CHD1L: variants seen among roughly 807,000 people sequenced by gnomAD.
CHD1L encodes the protein chromodomain helicase DNA binding protein 1 like, also known as ATP-dependent chromatin remodeler CHD1L.
In CHD1L, 118 loss-of-function variants were observed where a neutral mutation model predicts 115.9. The observed-to-expected ratio is 1.02, with a 90% CI of 0.88 to 1.19. The LOEUF is 1.19. Ranked by LOEUF, CHD1L falls within the 50% of genes most tolerant of loss-of-function variation. CHD1L has a pLI of 0.00. For synonymous variants in CHD1L, 411 were observed against 387.1 expected (o/e 1.06, Z -0.72); for missense variants, 1,179 against 1,065.3 (o/e 1.11, Z -1.49).
At chr1:147,187,101 G>A in the CHD1L span, 1 of 1,614,106 alleles carries the variant, frequency 6.2e-7, no homozygotes, top group African/African-American at 1.3e-5. Context: ...TTGGAGTGCA[G>A]GGTCCCAGTA....
At chr1:147,288,341 A>AAAG (rs1684175606) in intron 19 of CHD1L, among the ~76,000 whole-genome samples, 1 of 3,800 alleles carries the variant, frequency 2.6e-4, no homozygotes, top group African/African-American at 3.3e-4. Context: ...AAAAAAAAAA[A>AAAG]AAAAAGAAAA....
At chr1:147,218,959 A>G in the CHD1L span, among the ~76,000 whole-genome samples, 3 of 152,238 alleles carry the variant, frequency 2.0e-5, no homozygotes, top group African/African-American at 7.2e-5. Context: ...CTATAAAGAT[A>G]ACTTAAACAC....
chr1:147,287,130 G>A (rs1683484667), intron 18 of CHD1L, among the ~76,000 whole-genome samples: 1 of 152,188 alleles, frequency 6.6e-6, no homozygotes, highest in Non-Finnish European at 1.5e-5. Flanking sequence ...TGCTGTGACT[G>A]TGGTGCCTAG....
At chr1:147,270,896 A>T (rs782177281) in intron 10 of CHD1L, 36 bp from the exon 11 acceptor site, 2 of 1,586,898 alleles carry the variant, frequency 1.3e-6, no homozygotes, top group Non-Finnish European at 1.7e-6. Flanking sequence ...AAATACCACT[A>T]GACTTGGCAG....
At chr1:147,272,989 G>A (rs1440123492) in intron 12 of CHD1L, among the ~76,000 whole-genome samples, 2 of 151,532 alleles carry the variant, frequency 1.3e-5, no homozygotes, top group East Asian at 1.9e-4. Flanking sequence ...CACTGGAGGT[G>A]AGGAGTTTGA....
the CHD1L span, chr1:147,179,275 G>A: frequency 1.9e-6 from 3 of 1,609,842 alleles, no homozygotes; most frequent in African/African-American, 1.3e-5. Context: ...GAATTTTGAT[G>A]AAATAGTGAA....
intron 19 of CHD1L, 81 bp downstream of exon 19, chr1:147,287,814 C>G: frequency 8.8e-7 from 1 of 1,139,118 alleles, no homozygotes; most frequent in Non-Finnish European, 1.3e-6. Flanking sequence ...GAGGGTTACA[C>G]AGCACTAGAT....
chr1:147,256,053 T>C (rs781915650), intron 4 of CHD1L, 126 bp downstream of exon 4: 6 of 553,056 alleles, frequency 1.1e-5, no homozygotes, highest in African/African-American at 1.9e-5. Context: ...TCTACCTTCA[T>C]CAGATTCTCA....
chr1:147,276,375 C>A, intron 14 of CHD1L, 118 bp downstream of exon 14: 1 of 1,017,648 alleles, frequency 9.8e-7, no homozygotes, highest in Non-Finnish European at 1.4e-6. Flanking sequence ...GTTCCTTGGC[C>A]TCCCTCACAC....
chr1:147,250,131 A>C (rs1224311722), intron 1 of CHD1L, among the ~76,000 whole-genome samples: 1 of 151,442 alleles, frequency 6.6e-6, no homozygotes, highest in Non-Finnish European at 1.5e-5. Flanking sequence ...TGTTTTTTTC[A>C]GTTGTTCAAG....
intron 12 of CHD1L, among the ~76,000 whole-genome samples, chr1:147,274,636 T>G (rs1677610127): frequency 6.6e-6 from 1 of 152,098 alleles, no homozygotes; most frequent in Non-Finnish European, 1.5e-5. Context: ...TTAATTCCTG[T>G]AACTCAAGGT....
intron 10 of CHD1L, among the ~76,000 whole-genome samples, chr1:147,269,207 A>G (rs1675168102): frequency 6.6e-6 from 1 of 152,216 alleles, no homozygotes; most frequent in Admixed American, 6.5e-5. Flanking sequence ...CTACAAGGAC[A>G]GAGACAACAC....
the CHD1L span, among the ~76,000 whole-genome samples, chr1:147,222,082 AAG>A: frequency 6.6e-6 from 1 of 152,188 alleles, no homozygotes; most frequent in African/African-American, 2.4e-5. Context: ...TGTGTAAGAA[AAG>A]AGAGGCTAGG....
At chr1:147,284,650 C>CTATATATAT (rs1682348796) in intron 16 of CHD1L, 151 bp downstream of exon 16, 2 of 690,716 alleles carry the variant, frequency 2.9e-6, no homozygotes, top group Non-Finnish European at 4.6e-6. Flanking sequence ...ATTAACTATA[C>CTATATATAT]CCTAGTATAA....
chr1:147,259,983 A>T (rs1482057289), intron 6 of CHD1L, 65 bp downstream of exon 6: 7 of 1,267,502 alleles, frequency 5.5e-6, no homozygotes, highest in Non-Finnish European at 7.8e-6. Flanking sequence ...ATTATATTTT[A>T]GAGTAATTTT....
Position 147,285,845 on chromosome 1 carries a change from T to C in CHD1L, c.2018+358T>C, listed in dbSNP as rs140255225. Among the ~76,000 whole-genome samples the C allele has an allele frequency of 7.9e-3, 1,201 of 152,168 alleles. 17 individuals carry two copies. The highest frequency in any genetic ancestry group is 0.027 in the African/African-American group (1,130 of 41,500). On this transcript the variant is annotated intron_variant, in intron 17 of 22. Coordinates refer to ENST00000369258, the MANE Select transcript of CHD1L (RefSeq NM_004284.6). ...CCTAGTAGCTGGGAACACAGGTGTG[T>C]GCCACCATGCCTGGCTAATTTTTTT...
At chr1:147,237,401 A>G in the CHD1L span, among the ~76,000 whole-genome samples, 3 of 151,550 alleles carry the variant, frequency 2.0e-5, no homozygotes, top group Admixed American at 6.6e-5. Flanking sequence ...GTTGGTGGAC[A>G]TGACTCAGGC....
At chr1:147,220,656 T>C in the CHD1L span, among the ~76,000 whole-genome samples, 1 of 152,206 alleles carries the variant, frequency 6.6e-6, no homozygotes, top group Non-Finnish European at 1.5e-5. Flanking sequence ...AGGGTTTTTA[T>C]AGTTTTAGAT....
At chr1:147,286,840 C>T (rs1683328769) in intron 18 of CHD1L, among the ~76,000 whole-genome samples, 1 of 152,114 alleles carries the variant, frequency 6.6e-6, no homozygotes, top group South Asian at 2.1e-4. Flanking sequence ...CAAGCTTGTT[C>T]CCTTGCTTGA....
Sources: gnomAD v4.1 joint callset for allele counts (sites outside exome capture counted in the v4.1 genomes callset) on GRCh38, gnomAD v4.1.1 for gene constraint, MANE v1.5 for transcripts, NCBI Gene and HGNC (gene_info 2026-07-23, HGNC 2026-07-21) for gene names.